EIPR1: variants seen among roughly 807,000 people sequenced by gnomAD.
EIPR1 encodes EARP complex and GARP complex interacting protein 1, also known as EARP and GARP complex-interacting protein 1.
In EIPR1, 25 loss-of-function variants were observed where a neutral mutation model predicts 48.1. That is an observed-to-expected ratio of 0.52 (90% CI 0.38 to 0.73). The LOEUF (loss-of-function observed/expected upper bound fraction) is 0.73. Ranked by LOEUF, EIPR1 falls within the 30% of genes least tolerant of loss-of-function variation. The pLI, the probability that EIPR1 is intolerant of heterozygous loss-of-function variation, is 0.00. For missense variants in EIPR1, 415 were observed against 506.2 expected (o/e 0.82, Z 1.73); for synonymous variants, 204 against 201.9 (o/e 1.01, Z -0.09).
Position 3,192,473 on chromosome 2 carries a change from G to A in EIPR1, c.930C>T (p.Phe310=), listed in dbSNP as rs144297650. The part of the protein sequence containing the change: ...SNMVSISSEP[F]GHLVDDDDIS... Reference sequence around the variant, plus strand: ...TGTCATCGTCGTCTACCAAGTGGCCGAAGGGCTCCGACGAGATGGACACCA... The same window carrying A: ...TGTCATCGTCGTCTACCAAGTGGCCAAAGGGCTCCGACGAGATGGACACCA... Residue 310 remains phenylalanine (F), a synonymous_variant, in exon 8 of 9, where the codon TTC becomes TTT. Coordinates refer to ENST00000382125, the MANE Select transcript of EIPR1 (RefSeq NM_003310.5). The A allele has an allele frequency of 3.0e-3, 4,805 of 1,612,992 alleles. 10 individuals are homozygous for A. Among genetic ancestry groups the A allele is most frequent in the Non-Finnish European group, 3.7e-3 (4,412 of 1,179,728 alleles).
At chr2:3,221,024 C>T in intron 4 of EIPR1, among the ~76,000 whole-genome samples, 1 of 50,334 alleles carries the variant, frequency 2.0e-5, no homozygotes, top group Non-Finnish European at 4.0e-5. Flanking sequence ...ACACAATGGC[C>T]GACGTACACT....
At position 3,318,744 on chromosome 2, in the gene EIPR1, C is replaced by G. The variant is rs929061007; in HGVS notation, c.259+19273G>C. 3 of 424,914 alleles carry G rather than the reference C, an allele frequency of 7.1e-6. No individual in the cohort carries two copies. In the East Asian group the frequency reaches 2.2e-4, roughly 31 times the overall value. The allele number at this position is 424,914 out of a possible 1,614,324, so 26.3% of individuals were successfully genotyped here. A position where few individuals can be genotyped will look rare whatever the true frequency, so the allele number is the denominator to read the frequency against. ...GGCAATCAGAGTTCTCCTCACACAC[C>G]GTTCCAAACTCTGAAGCCAAAATAC... On this transcript the variant is annotated intron_variant, in intron 3 of 8. Coordinates refer to ENST00000382125, the MANE Select transcript of EIPR1 (RefSeq NM_003310.5).
intron 3 of EIPR1, among the ~76,000 whole-genome samples, chr2:3,308,790 A>C (rs555518023): frequency 1.3e-5 from 2 of 152,366 alleles, no homozygotes; most frequent in East Asian, 3.9e-4. Flanking sequence ...TGGATCACCA[A>C]GTTCTCACCC....
At chr2:3,285,326 C>T (rs1377542028) in intron 3 of EIPR1, among the ~76,000 whole-genome samples, 2 of 144,188 alleles carry the variant, frequency 1.4e-5, no homozygotes, top group African/African-American at 2.6e-5. Flanking sequence ...CCCACCCCCC[C>T]ACCCCCACCC....
chr2:3,313,873 A>G (rs1217180580), intron 3 of EIPR1, among the ~76,000 whole-genome samples: 6 of 152,168 alleles, frequency 3.9e-5, no homozygotes, highest in Non-Finnish European at 8.8e-5. Context: ...CAGAGGCAAG[A>G]GGGCTCATTA....
intron 3 of EIPR1, among the ~76,000 whole-genome samples, chr2:3,306,389 CTT>C (rs1288176153): frequency 1.3e-5 from 2 of 152,142 alleles, no homozygotes. Flanking sequence ...TCATATATTA[CTT>C]TTTGTCATAA....
At chr2:3,340,371 G>A (rs1670200500) in intron 2 of EIPR1, among the ~76,000 whole-genome samples, 2 of 152,332 alleles carry the variant, frequency 1.3e-5, no homozygotes, top group Admixed American at 6.5e-5. Flanking sequence ...CAGGAGCCCA[G>A]GGAGCATGCG....
intron 3 of EIPR1, among the ~76,000 whole-genome samples, chr2:3,275,501 C>G (rs189388125): frequency 2.0e-5 from 3 of 152,162 alleles, no homozygotes; most frequent in East Asian, 1.9e-4. Context: ...ATAAAAGATT[C>G]AAACACAACA....
intron 1 of EIPR1, among the ~76,000 whole-genome samples, chr2:3,371,173 C>G (rs1671105584): frequency 2.0e-5 from 3 of 152,300 alleles, no homozygotes; most frequent in East Asian, 1.9e-4. Context: ...AAATACTTTA[C>G]AGACAAGCAA....
At chr2:3,363,158 C>T (rs1019895580) in intron 1 of EIPR1, among the ~76,000 whole-genome samples, 3 of 148,486 alleles carry the variant, frequency 2.0e-5, no homozygotes, top group African/African-American at 7.3e-5. Flanking sequence ...GCTCCACATA[C>T]AGATCCTGCT....
intron 2 of EIPR1, among the ~76,000 whole-genome samples, chr2:3,349,312 C>G (rs76591385): frequency 6.6e-6 from 1 of 152,264 alleles, no homozygotes; most frequent in Non-Finnish European, 1.5e-5. Context: ...CGGCCCTGCT[C>G]CAGTACCAGC....
At chr2:3,205,906 C>T (rs928815397) in intron 5 of EIPR1, among the ~76,000 whole-genome samples, 5 of 152,220 alleles carry the variant, frequency 3.3e-5, no homozygotes, top group African/African-American at 1.2e-4. Flanking sequence ...GTGCCTAGCA[C>T]GTGGCAGGCA....
At chr2:3,204,775 A>G (rs1572289892) in intron 5 of EIPR1, among the ~76,000 whole-genome samples, 2 of 152,212 alleles carry the variant, frequency 1.3e-5, no homozygotes, top group East Asian at 3.9e-4. Context: ...CACAGAGCTG[A>G]CAAGGGTGGC....
chr2:3,342,151 A>T (rs893951489), intron 2 of EIPR1, among the ~76,000 whole-genome samples: 1 of 152,224 alleles, frequency 6.6e-6, no homozygotes, highest in East Asian at 1.9e-4. Context: ...AAATGAACAA[A>T]AAAAGTGTAT....
chr2:3,296,388 GCA>G (rs1222808472), intron 3 of EIPR1, among the ~76,000 whole-genome samples: 3 of 28,734 alleles, frequency 1.0e-4, no homozygotes, highest in African/African-American at 2.8e-4. Flanking sequence ...TCCTCTCTCT[GCA>G]CACACACACC....
At chr2:3,309,436 G>A (rs1669052909) in intron 3 of EIPR1, among the ~76,000 whole-genome samples, 2 of 152,172 alleles carry the variant, frequency 1.3e-5, no homozygotes. Flanking sequence ...ACAGAACGAT[G>A]AGAAACAAAG....
chr2:3,327,784 T>C (rs1001658123), intron 3 of EIPR1, among the ~76,000 whole-genome samples: 9 of 152,206 alleles, frequency 5.9e-5, no homozygotes, highest in Non-Finnish European at 1.2e-4. Flanking sequence ...TCCTTAACCA[T>C]GTAACCATGG....
In EIPR1 at chr2:3,189,801, C is replaced by A. The variant is rs753423260; in HGVS notation, c.990-293G>T. Among the ~76,000 whole-genome samples the A allele has an allele frequency of 1.3e-5, 2 of 152,286 alleles. No homozygotes were observed. Among genetic ancestry groups the A allele is most frequent in the African/African-American group, 2.4e-5 (1 of 41,562 alleles). On this transcript the variant is annotated intron_variant, in intron 8 of 8. Transcript: ENST00000382125. This position sits in a 1 kb window ranked among gnomAD's most constrained non-coding sequence, Gnocchi z 4.6. ...CTTGGTTTCTTCTGTCCTTGGCCCC[C>A]GGGTGCCTGGGTTGATATTTTGTTG...
Position 3,189,437 on chromosome 2 carries a change from T to C in EIPR1, c.1061A>G (p.Asp354Gly). Residue 354 changes from aspartate to glycine, a missense_variant, in exon 9 of 9, where the codon GAC becomes GGC. Physicochemically the swap from Asp to Gly is moderately conservative, Grantham distance 94 (BLOSUM62 -1). Transcript: ENST00000382125. This position sits in a 1 kb window ranked among gnomAD's most constrained non-coding sequence, Gnocchi z 4.6. The part of the protein sequence containing the change: ...EEHEDSVYAV[D>G]WSSADPWLFA... ...CAGCCACGGGTCAGCCGAGGACCAG[T>C]CCACGGCATAGACGCTGTCCTCGTG... 1 of 1,594,602 alleles carries C rather than the reference T, an allele frequency of 6.3e-7. No homozygotes were observed.
Sources: gnomAD v4.1 joint callset for allele counts (sites outside exome capture counted in the v4.1 genomes callset) on GRCh38, gnomAD v4.1.1 for gene constraint, Gnocchi (gnomAD v3.1) non-coding constraint, MANE v1.5 for transcripts, NCBI Gene and HGNC (gene_info 2026-07-23, HGNC 2026-07-21) for gene names.